DPCD: variants seen among roughly 807,000 people sequenced by gnomAD.
DPCD encodes the protein protein DPCD.
A neutral mutation model predicts 26.4 loss-of-function variants in DPCD; 20 were observed. The ratio of observed to expected loss-of-function variants is 0.76; its 90% confidence interval spans 0.53 to 1.10. The LOEUF (loss-of-function observed/expected upper bound fraction) is 1.10, where lower values mean the gene tolerates loss of function less well. Among genes scored for constraint, DPCD ranks in the 50% least tolerant of loss-of-function variants. DPCD has a pLI of 0.00. For synonymous variants in DPCD, 97 were observed against 94.2 expected (o/e 1.03, Z -0.17); for missense variants, 202 against 253.9 (o/e 0.80, Z 1.39).
At chr10:101,608,984 C>T (rs764719218) in intron 5 of DPCD, 47 bp downstream of exon 5, 2 of 1,442,306 alleles carry the variant, frequency 1.4e-6, no homozygotes, top group East Asian at 2.3e-5. Context: ...GGAGAGTCTT[C>T]CTCTTTCCCT....
chr10:101,594,627 T>C, intron 1 of DPCD, 31 bp from the exon 2 acceptor site: 7 of 1,609,984 alleles, frequency 4.3e-6, no homozygotes, highest in Non-Finnish European at 6.0e-6. Context: ...GGGGAGACTT[T>C]GAGGTAAGGC....
At chr10:101,602,197 T>C (rs1035268927) in intron 4 of DPCD, among the ~76,000 whole-genome samples, 7 of 152,244 alleles carry the variant, frequency 4.6e-5, no homozygotes, top group Non-Finnish European at 8.8e-5. Context: ...GTCTGCAAGC[T>C]GTGAAGCCAT....
At chr10:101,592,545 C>A (rs1386209310) in intron 1 of DPCD, among the ~76,000 whole-genome samples, 9 of 151,970 alleles carry the variant, frequency 5.9e-5, no homozygotes, top group Non-Finnish European at 1.2e-4. Context: ...CATAGTAAGA[C>A]CCCATCTCTA....
Position 101,609,145 on chromosome 10 carries a change from G to A in DPCD, c.507+208G>A. ...CCATATAATTCACAGCTAGAAGAGG[G>A]TAGAGGGTGAAAGGGAAGCGGTGGA... On this transcript the variant is annotated intron_variant, in intron 5 of 5. Transcript: ENST00000370151. The A allele has an allele frequency of 1.2e-5, 8 of 644,240 alleles. No individual in the cohort carries two copies. The Admixed American group carries it at 2.0e-4, about 16-fold the overall frequency. 39.9% of individuals were successfully genotyped at this position (644,240 alleles called of 1,614,324 possible).
intron 1 of DPCD, among the ~76,000 whole-genome samples, chr10:101,590,220 C>A (rs940668015): frequency 6.6e-6 from 1 of 152,110 alleles, no homozygotes; most frequent in African/African-American, 2.4e-5. Flanking sequence ...AATGTTAAAG[C>A]AGTCACTCAG....
intron 1 of DPCD, among the ~76,000 whole-genome samples, chr10:101,590,062 G>GAAAAAAAAAAAA (rs1564889361): frequency 8.8e-6 from 1 of 113,806 alleles, no homozygotes. Context: ...CAAAAAAACT[G>GAAAAAAAAAAAA]GAAAAAAAAA....
At chr10:101,588,475 C>A in intron 1 of DPCD, 75 bp downstream of exon 1, 4 of 1,538,828 alleles carry the variant, frequency 2.6e-6, no homozygotes, top group Non-Finnish European at 3.5e-6. Context: ...GCCTCAGGGC[C>A]TGGGTCGGCA....
At chr10:101,596,422 CAA>C (rs1171675639) in intron 2 of DPCD, among the ~76,000 whole-genome samples, 4 of 152,284 alleles carry the variant, frequency 2.6e-5, no homozygotes, top group African/African-American at 9.6e-5. Context: ...AATGGAAGCT[CAA>C]AGAGGTTAAG....
intron 1 of DPCD, among the ~76,000 whole-genome samples, chr10:101,590,840 C>G (rs1236226929): frequency 6.6e-6 from 1 of 152,218 alleles, no homozygotes; most frequent in Non-Finnish European, 1.5e-5. Context: ...ATGAATTTGA[C>G]TGCTCTAGGA....
intron 3 of DPCD, 124 bp from the exon 4 acceptor site, chr10:101,601,079 C>A: frequency 6.7e-7 from 1 of 1,494,836 alleles, no homozygotes; most frequent in Non-Finnish European, 9.1e-7. Context: ...GTAGCAATAG[C>A]AGCGTCAGAG....
At chr10:101,596,480 G>C (rs1223905013) in intron 2 of DPCD, 1 of 152,186 alleles carries the variant, frequency 6.6e-6, no homozygotes, top group Non-Finnish European at 1.5e-5. Context: ...CAGGATTTAA[G>C]CCTAGTTCTG....
intron 2 of DPCD, 139 bp downstream of exon 2, chr10:101,594,877 A>G (rs552263192): frequency 2.7e-6 from 2 of 753,476 alleles, no homozygotes; most frequent in South Asian, 1.8e-5. Flanking sequence ...CCTCGAGACA[A>G]CAACGTTCCT....
chr10:101,601,065 T>A, intron 3 of DPCD, 138 bp from the exon 4 acceptor site: 2 of 1,468,776 alleles, frequency 1.4e-6, no homozygotes, highest in Non-Finnish European at 1.8e-6. Context: ...GGGCCTGGAG[T>A]GCTGTAGCAA....
intron 2 of DPCD, among the ~76,000 whole-genome samples, chr10:101,597,751 T>G (rs1442698928): frequency 6.6e-6 from 1 of 152,192 alleles, no homozygotes; most frequent in Non-Finnish European, 1.5e-5. Flanking sequence ...TGACAGCAGA[T>G]GGAAACAGTC....
chr10:101,606,919 C>T (rs1213046421), intron 4 of DPCD, among the ~76,000 whole-genome samples: 4 of 152,180 alleles, frequency 2.6e-5, no homozygotes, highest in South Asian at 2.1e-4. Flanking sequence ...TGGTTAACCT[C>T]GACCAATAAA....
chr10:101,609,082 T>C (rs995801125), intron 5 of DPCD, 145 bp downstream of exon 5: 3 of 742,348 alleles, frequency 4.0e-6, no homozygotes, highest in Admixed American at 4.5e-5. Context: ...TAATTCAGCA[T>C]GGGGGAGAGC....
chr10:101,600,627 G>A lies in DPCD; in HGVS notation c.146-111G>A. On this transcript the variant is annotated intron_variant, in intron 2 of 5. Coordinates refer to ENST00000370151, the MANE Select transcript of DPCD (RefSeq NM_015448.3). The surrounding 1 kb of genome is among the most constrained non-coding windows in gnomAD (Gnocchi z 4.7). ...GGCCCAACACTCCCACTTTCATCTTGTGCTAGTTACCTAGTGTGGTGCCGG... is the reference window on the plus strand; with the variant it reads ...GGCCCAACACTCCCACTTTCATCTTATGCTAGTTACCTAGTGTGGTGCCGG... 1.4e-6 allele frequency: 2 copies of A among 1,465,012 alleles called. No homozygotes were observed. The highest frequency in any genetic ancestry group is 2.8e-5 in the South Asian group (2 of 70,796). 90.8% of individuals were successfully genotyped at this position (1,465,012 alleles called of 1,614,324 possible).
Position 101,603,734 on chromosome 10 carries a change from G to A in DPCD, c.404+2398G>A, listed in dbSNP as rs980079431. 7.3e-5 allele frequency among the ~76,000 whole-genome samples: 11 copies of A among 150,826 alleles called. No homozygotes were observed. Among genetic ancestry groups the A allele is most frequent in the African/African-American group, 2.7e-4 (11 of 40,990 alleles). On this transcript the variant is annotated intron_variant, in intron 4 of 5. Transcript: ENST00000370151. This position sits in a 1 kb window ranked among gnomAD's most constrained non-coding sequence, Gnocchi z 4.6. Reference sequence around the variant, plus strand: ...ATCATGCCATTGCACTCCAGCCTGGGTGACAGAGTGAGACTCCATCTCAAA... The same window carrying A: ...ATCATGCCATTGCACTCCAGCCTGGATGACAGAGTGAGACTCCATCTCAAA...
chr10:101,600,922 T>C lies in DPCD; in HGVS notation c.270+60T>C, dbSNP rs2063691653. 1 of 1,609,754 alleles carries C rather than the reference T, an allele frequency of 6.2e-7. No homozygotes were observed. The highest frequency in any genetic ancestry group is 8.5e-7 in the Non-Finnish European group (1 of 1,178,892). On this transcript the variant is annotated intron_variant, in intron 3 of 5. Coordinates refer to ENST00000370151, the MANE Select transcript of DPCD (RefSeq NM_015448.3). This position sits in a 1 kb window ranked among gnomAD's most constrained non-coding sequence, Gnocchi z 4.7. ...GAGGTGGGGGTGGGCTGTGGGCTGCTGGCTCTTGAGGGCAGGGACCATGTC... is the reference window on the plus strand; with the variant it reads ...GAGGTGGGGGTGGGCTGTGGGCTGCCGGCTCTTGAGGGCAGGGACCATGTC...
Sources: allele counts gnomAD v4.1 joint callset (sites outside exome capture counted in the v4.1 genomes callset), GRCh38; gene constraint gnomAD v4.1.1; non-coding constraint Gnocchi (gnomAD v3.1); transcripts MANE v1.5; gene names NCBI Gene and HGNC (gene_info 2026-07-23, HGNC 2026-07-21).